CDH18: variants seen among roughly 807,000 people sequenced by gnomAD.
CDH18 encodes the protein cadherin-18.
Under a neutral mutation model 67.9 loss-of-function variants are expected in CDH18, and 31 were observed. That is an observed-to-expected ratio of 0.46 (90% confidence interval 0.34 to 0.62). The LOEUF (loss-of-function observed/expected upper bound fraction) is 0.62, where lower values mean the gene tolerates loss of function less well. CDH18 is among the 20% of genes least tolerant of loss of function. CDH18 has a pLI of 0.01. For missense variants in CDH18, 890 were observed against 975.5 expected (o/e 0.91, Z 1.17); for synonymous variants, 362 against 347.2 (o/e 1.04, Z -0.48).
At chr5:19,900,485 C>T (rs1443672276) in intron 2 of CDH18, among the ~76,000 whole-genome samples, 1 of 152,058 alleles carries the variant, frequency 6.6e-6, no homozygotes, top group South Asian at 2.1e-4. Flanking sequence ...GATCATTGCA[C>T]AATGTATACA....
chr5:19,759,406 C>A (rs2149698263), intron 3 of CDH18, among the ~76,000 whole-genome samples: 1 of 152,250 alleles, frequency 6.6e-6, no homozygotes, highest in Middle Eastern at 3.4e-3. Context: ...TCCATTTGGC[C>A]TTTCCCACCA....
At chr5:19,663,610 C>T (rs560711582) in intron 5 of CDH18, among the ~76,000 whole-genome samples, 1 of 151,976 alleles carries the variant, frequency 6.6e-6, no homozygotes, top group South Asian at 2.1e-4. Flanking sequence ...TGCCATGATT[C>T]CTGGGTTCAG....
chr5:19,907,298 C>T (rs547790956), intron 2 of CDH18, among the ~76,000 whole-genome samples: 1 of 151,950 alleles, frequency 6.6e-6, no homozygotes, highest in Non-Finnish European at 1.5e-5. Context: ...CTCGTATTTA[C>T]AATGCTTGGG....
rs185599290 is a variant in CDH18 at position 19,494,611 on chromosome 5, T to C, written c.1630+8381A>G. Among the ~76,000 whole-genome samples the C allele has an allele frequency of 4.2e-4, 64 of 152,340 alleles. No individual in the cohort carries two copies. The East Asian group carries it at 0.011, about 27-fold the overall frequency. The stretch of plus-strand genomic sequence containing the variant: ...CAAAAAGTCTCACTTAGATATATAA[T>C]CACGTTCAATATGTCCTAATTCATA... On this transcript the variant is annotated intron_variant, in intron 11 of 12. Transcript: ENST00000382275.
intron 10 of CDH18, among the ~76,000 whole-genome samples, chr5:19,508,380 T>C (rs1321202753): frequency 6.6e-6 from 1 of 152,160 alleles, no homozygotes; most frequent in Non-Finnish European, 1.5e-5. Context: ...TACCTTGCTA[T>C]TTCTTTGTCC....
intron 1 of CDH18, among the ~76,000 whole-genome samples, chr5:20,446,850 G>C (rs978846857): frequency 6.6e-6 from 1 of 152,152 alleles, no homozygotes; most frequent in Non-Finnish European, 1.5e-5. Flanking sequence ...ATTAAGTGTG[G>C]TCAGCAGTAA....
chr5:20,201,036 G>C (rs1043162192), intron 2 of CDH18, among the ~76,000 whole-genome samples: 5 of 151,910 alleles, frequency 3.3e-5, no homozygotes, highest in Non-Finnish European at 5.9e-5. Flanking sequence ...TAAAACAACA[G>C]ACATTTATTG....
At chr5:20,445,007 G>C (rs910349687) in intron 1 of CDH18, among the ~76,000 whole-genome samples, 1 of 152,072 alleles carries the variant, frequency 6.6e-6, no homozygotes, top group Non-Finnish European at 1.5e-5. Context: ...TTTAAGCTTT[G>C]TTGACCGTCT....
chr5:19,504,594 TA>T (rs1743790123), intron 10 of CDH18, among the ~76,000 whole-genome samples: 1 of 152,072 alleles, frequency 6.6e-6, no homozygotes, highest in African/African-American at 2.4e-5. Flanking sequence ...AAAATTGAAA[TA>T]AAATGTCAAT....
At chr5:19,785,378 C>T (rs116111811) in intron 3 of CDH18, among the ~76,000 whole-genome samples, 7,078 of 151,538 alleles carry the variant, frequency 0.047, 355 homozygotes, top group African/African-American at 0.13. Flanking sequence ...GTAGGCCAGG[C>T]GCGGTGGCTC....
At chr5:19,702,378 A>G (rs1763383836) in intron 5 of CDH18, among the ~76,000 whole-genome samples, 1 of 151,404 alleles carries the variant, frequency 6.6e-6, no homozygotes, top group African/African-American at 2.4e-5. Flanking sequence ...TGAACTCCTG[A>G]GCTCAGGCAA....
intron 5 of CDH18, among the ~76,000 whole-genome samples, chr5:19,646,823 A>G (rs1754818406): frequency 6.6e-6 from 1 of 152,180 alleles, no homozygotes; most frequent in Admixed American, 6.5e-5. Context: ...AATGACAACA[A>G]AGTATTAAAA....
At chr5:19,522,049 T>G (rs1746983822) in intron 9 of CDH18, among the ~76,000 whole-genome samples, 1 of 152,066 alleles carries the variant, frequency 6.6e-6, no homozygotes, top group African/African-American at 2.4e-5. Flanking sequence ...TCTTGATCAG[T>G]TTTGTCCCAG....
Position 20,081,682 on chromosome 5 carries a change from C to A in CDH18, c.-517-89668G>T, listed in dbSNP as rs1004224587. 3.3e-5 allele frequency among the ~76,000 whole-genome samples: 5 copies of A among 152,190 alleles called. No homozygotes were observed. In the South Asian group the frequency reaches 6.2e-4, roughly 19 times the overall value. On this transcript the variant is annotated intron_variant, in intron 2 of 14. Transcript: ENST00000507958. ...ACTAGAGGCTATTATGCTAACGATA[C>A]TAACACACGAATAGAAAACCAAATA...
chr5:19,631,475 TTAAG>T lies in CDH18; in HGVS notation c.644-18878_644-18875del, dbSNP rs2150181823. The stretch of plus-strand genomic sequence containing the variant: ...ATATTTTTATTTCTTAATCTTTCTA[TTAAG>T]GTATCTTTGGCAAGGTCACTTAACC... On this transcript the variant is annotated intron_variant, in intron 5 of 12. Coordinates refer to ENST00000382275, the MANE Select transcript of CDH18 (RefSeq NM_004934.5). Among the ~76,000 whole-genome samples the T allele has an allele frequency of 1.3e-5, 2 of 152,270 alleles. 1 individual carries two copies. Among genetic ancestry groups the T allele is most frequent in the African/African-American group, 4.8e-5 (2 of 41,564 alleles).
At chr5:19,751,956 G>A (rs1461122127) in intron 3 of CDH18, among the ~76,000 whole-genome samples, 1 of 152,076 alleles carries the variant, frequency 6.6e-6, no homozygotes, top group African/African-American at 2.4e-5. Context: ...CAGACCCTCT[G>A]AAGGAAGCAG....
intron 5 of CDH18, among the ~76,000 whole-genome samples, chr5:19,715,225 T>A (rs1473447736): frequency 1.3e-5 from 2 of 152,144 alleles, no homozygotes; most frequent in Non-Finnish European, 2.9e-5. Flanking sequence ...GGGGAGGTAA[T>A]AGAGAACCAA....
At chr5:20,062,017 T>C (rs1051228533) in intron 2 of CDH18, among the ~76,000 whole-genome samples, 2 of 152,018 alleles carry the variant, frequency 1.3e-5, no homozygotes, top group Non-Finnish European at 2.9e-5. Context: ...ATCCTCACAA[T>C]GACACAATGG....
intron 2 of CDH18, among the ~76,000 whole-genome samples, chr5:20,039,938 A>C (rs1438905912): frequency 6.6e-6 from 1 of 152,206 alleles, no homozygotes; most frequent in Non-Finnish European, 1.5e-5. Flanking sequence ...AAATTTTTGC[A>C]ATCTATCCAT....
Sources: allele counts gnomAD v4.1 joint callset (sites outside exome capture counted in the v4.1 genomes callset), GRCh38; gene constraint gnomAD v4.1.1; transcripts MANE v1.5; gene names NCBI Gene and HGNC (gene_info 2026-07-23, HGNC 2026-07-21).